Variants in NPR3 observed in about 807,000 individuals in gnomAD.
NPR3 encodes the protein natriuretic peptide receptor 3.
In NPR3, 34 loss-of-function variants were observed where a neutral mutation model predicts 54.5. The ratio of observed to expected loss-of-function variants is 0.62; its 90% CI spans 0.47 to 0.83. The LOEUF (loss-of-function observed/expected upper bound fraction) is 0.83. Among genes scored for constraint, NPR3 ranks in the 40% least tolerant of loss-of-function variants. NPR3 has a pLI of 0.00. For synonymous variants in NPR3, 289 were observed against 297.1 expected (o/e 0.97, Z 0.28); for missense variants, 674 against 720.8 (o/e 0.94, Z 0.74).
At chr5:32,736,782 G>T (rs774350030) in intron 2 of NPR3, among the ~76,000 whole-genome samples, 1 of 152,150 alleles carries the variant, frequency 6.6e-6, no homozygotes, top group Admixed American at 6.5e-5. Flanking sequence ...TGTCTGGGAG[G>T]TTTCGTGGGA....
chr5:32,758,544 A>AAC (rs2112005153), intron 3 of NPR3, among the ~76,000 whole-genome samples: 1 of 151,816 alleles, frequency 6.6e-6, no homozygotes. Flanking sequence ...TGATCTTGTC[A>AAC]AAAAACTAGC....
intron 5 of NPR3, among the ~76,000 whole-genome samples, chr5:32,781,391 A>C (rs1742331134): frequency 6.6e-6 from 1 of 152,190 alleles, no homozygotes; most frequent in South Asian, 2.1e-4. Flanking sequence ...TTAAATTATA[A>C]ATATACATAT....
At chr5:32,696,778 C>A (rs1740542726) in intron 1 of NPR3, among the ~76,000 whole-genome samples, 1 of 151,986 alleles carries the variant, frequency 6.6e-6, no homozygotes, top group South Asian at 2.1e-4. Context: ...GGATTACTCT[C>A]TTGATTTCTT....
intron 5 of NPR3, among the ~76,000 whole-genome samples, chr5:32,782,469 G>A (rs1324019351): frequency 2.6e-5 from 4 of 152,126 alleles, no homozygotes; most frequent in African/African-American, 9.7e-5. Flanking sequence ...CGGGAATTCC[G>A]AGATTATTCC....
chr5:32,768,603 T>C (rs938322805), intron 3 of NPR3, among the ~76,000 whole-genome samples: 5 of 152,164 alleles, frequency 3.3e-5, no homozygotes, highest in African/African-American at 1.2e-4. Flanking sequence ...CTGTTGTCCC[T>C]GTCATTACAG....
intron 1 of NPR3, among the ~76,000 whole-genome samples, chr5:32,691,330 C>A (rs1362053663): frequency 6.6e-6 from 1 of 152,186 alleles, no homozygotes; most frequent in Non-Finnish European, 1.5e-5. Flanking sequence ...ATTTCTTCTA[C>A]TTTTGGCACA....
intron 3 of NPR3, among the ~76,000 whole-genome samples, chr5:32,752,918 C>A (rs1247692560): frequency 6.6e-6 from 1 of 152,114 alleles, no homozygotes; most frequent in Middle Eastern, 3.2e-3. Context: ...CTTGTTTATT[C>A]CTCTAATCTT....
intron 3 of NPR3, among the ~76,000 whole-genome samples, chr5:32,769,235 C>T (rs569574644): frequency 1.3e-5 from 2 of 152,210 alleles, no homozygotes; most frequent in South Asian, 2.1e-4. Context: ...GAACAAAAAT[C>T]GATATTCTAT....
intron 1 of NPR3, among the ~76,000 whole-genome samples, chr5:32,691,852 C>G (rs996775098): frequency 6.6e-6 from 1 of 152,208 alleles, no homozygotes; most frequent in Non-Finnish European, 1.5e-5. Flanking sequence ...GCATGTTATG[C>G]AGCATGCAAA....
intron 3 of NPR3, among the ~76,000 whole-genome samples, chr5:32,769,558 G>C (rs954333723): frequency 1.3e-5 from 2 of 152,212 alleles, no homozygotes; most frequent in East Asian, 1.9e-4. Context: ...TTGCAAGAGA[G>C]TCTTGAGAAA....
chr5:32,766,010 C>T (rs1741440257), intron 3 of NPR3, among the ~76,000 whole-genome samples: 1 of 152,190 alleles, frequency 6.6e-6, no homozygotes, highest in Admixed American at 6.5e-5. Context: ...CTGCCTGTGG[C>T]ATCTGGTCTG....
upstream of NPR3, chr5:32,711,250 G>A: frequency 1.7e-6 from 1 of 582,510 alleles, no homozygotes; most frequent in South Asian, 8.3e-5. Flanking sequence ...GCCCGGCCTC[G>A]GCGCGCCATG....
At chr5:32,694,412 C>T (rs1740474222) in intron 1 of NPR3, among the ~76,000 whole-genome samples, 2 of 152,088 alleles carry the variant, frequency 1.3e-5, no homozygotes. Context: ...AACTTTTTAC[C>T]AGGCATTGAA....
At chr5:32,775,725 G>A (rs975866628) in intron 4 of NPR3, among the ~76,000 whole-genome samples, 2 of 152,056 alleles carry the variant, frequency 1.3e-5, no homozygotes, top group African/African-American at 4.8e-5. Flanking sequence ...AGCCTCCTGA[G>A]TAGCTGGGAT....
chr5:32,719,490 C>T (rs1738732165), intron 1 of NPR3, among the ~76,000 whole-genome samples: 1 of 152,148 alleles, frequency 6.6e-6, no homozygotes, highest in Admixed American at 6.5e-5. Context: ...CTTCTAAATT[C>T]TAACATTGCT....
At chr5:32,740,903 G>A (rs1336021712) in intron 3 of NPR3, among the ~76,000 whole-genome samples, 4 of 151,956 alleles carry the variant, frequency 2.6e-5, no homozygotes, top group African/African-American at 9.7e-5. Flanking sequence ...TGATAGTGTT[G>A]TCATCATCCA....
Position 32,711,446 on chromosome 5 carries a change from G to A in NPR3, c.-331G>A, listed in dbSNP as rs1451315562. 1 of 1,068,654 alleles carries A rather than the reference G, an allele frequency of 9.4e-7. No individual in the cohort carries two copies. The highest frequency in any genetic ancestry group is 1.1e-6 in the Non-Finnish European group (1 of 885,862). The allele number at this position is 1,068,654 out of a possible 1,614,324, so 66.2% of individuals were successfully genotyped here. On this transcript the variant is annotated 5_prime_UTR_variant, in exon 1 of 8. Transcript: ENST00000265074. ...AGCAACCTTAGCAACGCCCAAATAAGAAGCCACCTCTAAGCAAAATAGTAT... is the reference window on the plus strand; with the variant it reads ...AGCAACCTTAGCAACGCCCAAATAAAAAGCCACCTCTAAGCAAAATAGTAT...
rs142784445 is a variant in NPR3, at chr5:32,761,880, T to C, written c.1060-12828T>C. ...CATAGGTATACACGTGCCATGGTGA[T>C]TTGCTGCACTCATCAACCTGTCATC... On this transcript the variant is annotated intron_variant, in intron 3 of 7. Coordinates refer to ENST00000265074, the MANE Select transcript of NPR3 (RefSeq NM_001204375.2). 2.8e-3 allele frequency among the ~76,000 whole-genome samples: 433 copies of C among 152,230 alleles called. 1 individual carries two copies. Among genetic ancestry groups the C allele is most frequent in the Middle Eastern group, 0.01 (3 of 294 alleles).
intron 4 of NPR3, among the ~76,000 whole-genome samples, chr5:32,775,404 C>A (rs1741992286): frequency 6.6e-6 from 1 of 151,664 alleles, no homozygotes; most frequent in Non-Finnish European, 1.5e-5. Flanking sequence ...AAATGATTTA[C>A]CTGCCTCAGT....
Sources: gnomAD v4.1 joint callset for allele counts (sites outside exome capture counted in the v4.1 genomes callset) on GRCh38, gnomAD v4.1.1 for gene constraint, MANE v1.5 for transcripts, NCBI Gene and HGNC (gene_info 2026-07-23, HGNC 2026-07-21) for gene names.